The following KLHL4 variants were observed in gnomAD, a reference collection of about 807,000 sequenced individuals.
The protein encoded by KLHL4 is kelch-like protein 4.
A neutral mutation model predicts 45.8 loss-of-function variants in KLHL4; 17 were observed. The ratio of observed to expected loss-of-function variants is 0.37; its 90% CI spans 0.25 to 0.56. KLHL4 has a LOEUF of 0.56. KLHL4 is among the 20% of genes least tolerant of loss of function. The pLI is 0.79. For missense variants in KLHL4, 544 were observed against 544.9 expected (o/e 1.00, Z 0.02); for synonymous variants, 224 against 189.9 (o/e 1.18, Z -1.47).
intron 6 of KLHL4, among the ~76,000 whole-genome samples, chrX:87,626,375 G>A (rs1922927928): frequency 9.0e-6 from 1 of 111,393 alleles, no homozygotes; most frequent in African/African-American, 3.3e-5. Flanking sequence ...TACATATGAG[G>A]GAGGTACAAG....
At chrX:87,633,988 T>C in intron 8 of KLHL4, 77 bp downstream of exon 8, 1 of 814,267 alleles carries the variant, frequency 1.2e-6, no homozygotes. Context: ...ATCCATCCAA[T>C]CAATTAGCAT....
chrX:87,663,022 CTTTT>C (rs56203819), intron 9 of KLHL4, among the ~76,000 whole-genome samples: 2 of 87,629 alleles, frequency 2.3e-5, no homozygotes, highest in Non-Finnish European at 4.5e-5. Flanking sequence ...TTTTCTGATG[CTTTT>C]TTTTTTTTTT....
rs186521862 is a variant in KLHL4 at position 87,522,373 on chromosome X, T to G, written c.422+4058T>G. Among the ~76,000 whole-genome samples the G allele has an allele frequency of 6.5e-3, 732 of 111,880 alleles. 3 individuals are homozygous for G. Among genetic ancestry groups the G allele is most frequent in the Non-Finnish European group, 0.011 (593 of 53,178 alleles). The stretch of plus-strand genomic sequence containing the variant: ...AACATTAAAAATAAGAAGTACCTTT[T>G]GTTGATGCTTACTGTGTGCCAAGCA... On this transcript the variant is annotated intron_variant, in intron 1 of 10. Transcript: ENST00000373119.
chrX:87,595,342 A>G (rs964500436), intron 1 of KLHL4, among the ~76,000 whole-genome samples: 2 of 111,952 alleles, frequency 1.8e-5, no homozygotes, highest in Non-Finnish European at 3.8e-5. Context: ...ATTTCTGCTT[A>G]TACATTCTGA....
At chrX:87,574,754 A>C (rs188810766) in intron 1 of KLHL4, among the ~76,000 whole-genome samples, 1 of 111,801 alleles carries the variant, frequency 8.9e-6, no homozygotes, top group Non-Finnish European at 1.9e-5. Flanking sequence ...ACTGGATTTG[A>C]AGTGAGAAGA....
chrX:87,582,748 A>G (rs1350428620), intron 1 of KLHL4, among the ~76,000 whole-genome samples: 1 of 111,788 alleles, frequency 8.9e-6, no homozygotes, highest in African/African-American at 3.3e-5. Context: ...ACTGACTTCA[A>G]GAATGGAGCC....
chrX:87,668,843 C>T lies in KLHL4; in HGVS notation c.*2309C>T. ...CCAGATATGGCCTCTCAACCTCAGA[C>T]TTCTCAGCCTGCCTAACTGTAAGAA... On this transcript the variant is annotated 3_prime_UTR_variant, in exon 11 of 11. Coordinates refer to ENST00000373119, the MANE Select transcript of KLHL4 (RefSeq NM_019117.5). 3.9e-6 allele frequency: 2 copies of T among 516,094 alleles called. No homozygotes were observed. The highest frequency in any genetic ancestry group is 4.7e-6 in the Non-Finnish European group (2 of 421,922). The allele number at this position is 516,094 out of a possible 1,213,427, so 42.5% of individuals were successfully genotyped here. A position where few individuals can be genotyped will look rare whatever the true frequency, so the allele number is the denominator to read the frequency against.
chrX:87,548,470 A>G (rs186819626), intron 1 of KLHL4, among the ~76,000 whole-genome samples: 70 of 111,917 alleles, frequency 6.3e-4, no homozygotes, highest in Non-Finnish European at 1.1e-3. Context: ...AAAAAAACAC[A>G]GAATATTATA....
intron 1 of KLHL4, among the ~76,000 whole-genome samples, chrX:87,539,281 A>G (rs1931501448): frequency 9.0e-6 from 1 of 110,800 alleles, no homozygotes; most frequent in Non-Finnish European, 1.9e-5. Flanking sequence ...TGTGGTAAAG[A>G]AGACATAAAA....
chrX:87,560,263 A>C (rs1046541031), intron 1 of KLHL4, among the ~76,000 whole-genome samples: 5 of 111,621 alleles, frequency 4.5e-5, no homozygotes, highest in African/African-American at 1.6e-4. Context: ...CAAATATTCT[A>C]CCCTTATCCG....
At position 87,625,719 on chromosome X, in the gene KLHL4, T is replaced by G; in HGVS notation, c.1247T>G (p.Met416Arg). The change falls in exon 6 of 11, where the codon ATG becomes AGG. Residue 416 changes from methionine to arginine, a missense_variant. Transcript: ENST00000373119. ...CTTTTGCCTGAGAGAAGATCCATGATGCAAAGCCCTCGGACAAAGCCTAGA... is the reference window on the plus strand; with the variant it reads ...CTTTTGCCTGAGAGAAGATCCATGAGGCAAAGCCCTCGGACAAAGCCTAGA... ...YHLLPERRSMMQSPRTKPRKS... is the reference protein window; with the variant it reads ...YHLLPERRSMRQSPRTKPRKS... The G allele has an allele frequency of 8.3e-7, 1 of 1,209,988 alleles. No individual in the cohort carries two copies. The highest frequency in any genetic ancestry group is 1.1e-6 in the Non-Finnish European group (1 of 894,333).
In KLHL4 at chrX:87,668,876, C is replaced by A. The variant is rs193152972; in HGVS notation, c.*2342C>A. ...CCTGCCTAACTGTAAGAAATTAATTCTTTTTCTTTATAAATTACCCAGGTT... is the reference window on the plus strand; with the variant it reads ...CCTGCCTAACTGTAAGAAATTAATTATTTTTCTTTATAAATTACCCAGGTT... On this transcript the variant is annotated 3_prime_UTR_variant, in exon 11 of 11. Coordinates refer to ENST00000373119, the MANE Select transcript of KLHL4 (RefSeq NM_019117.5). 34 of 648,225 alleles carry A rather than the reference C, an allele frequency of 5.2e-5. No individual in the cohort carries two copies. The highest frequency in any genetic ancestry group is 1.6e-4 in the South Asian group (2 of 12,446). 53.4% of individuals were successfully genotyped at this position (648,225 alleles called of 1,213,427 possible). A position where few individuals can be genotyped will look rare whatever the true frequency, so the allele number is the denominator to read the frequency against.
intron 1 of KLHL4, among the ~76,000 whole-genome samples, chrX:87,572,822 T>TAA (rs369143265): frequency 0.41 from 39,704 of 97,715 alleles, 6,679 homozygotes; most frequent in East Asian, 0.74. Flanking sequence ...AAGGAAAACT[T>TAA]AAAAAAAAAA....
chrX:87,583,872 C>A (rs1355322896), intron 1 of KLHL4, among the ~76,000 whole-genome samples: 1 of 111,289 alleles, frequency 9.0e-6, no homozygotes, highest in Non-Finnish European at 1.9e-5. Context: ...AAAGTGGGCT[C>A]TTAAGCCAGT....
At chrX:87,558,336 GGAA>G (rs1932024465) in intron 1 of KLHL4, among the ~76,000 whole-genome samples, 1 of 111,187 alleles carries the variant, frequency 9.0e-6, no homozygotes, top group South Asian at 3.7e-4. Context: ...ATGACTGTGT[GGAA>G]GAATAACTGA....
At chrX:87,602,439 C>A (rs978300147) in intron 1 of KLHL4, among the ~76,000 whole-genome samples, 2 of 110,963 alleles carry the variant, frequency 1.8e-5, no homozygotes, top group Admixed American at 1.9e-4. Context: ...ATTGGTATAC[C>A]ATTTTTTTAT....
At chrX:87,528,701 C>A (rs1224378618) in intron 1 of KLHL4, among the ~76,000 whole-genome samples, 1 of 18,884 alleles carries the variant, frequency 5.3e-5, no homozygotes, top group Non-Finnish European at 8.9e-5. Flanking sequence ...GGTAACAAAG[C>A]GAGACAAAAA....
chrX:87,641,252 G>A (rs983694305), intron 9 of KLHL4, among the ~76,000 whole-genome samples: 5 of 112,116 alleles, frequency 4.5e-5, no homozygotes, highest in Non-Finnish European at 1.9e-5. Flanking sequence ...GAAAGGGAGA[G>A]CCTCCTCTCC....
At chrX:87,548,560 C>T (rs1931733451) in intron 1 of KLHL4, among the ~76,000 whole-genome samples, 1 of 110,994 alleles carries the variant, frequency 9.0e-6, no homozygotes, top group African/African-American at 3.3e-5. Flanking sequence ...ATAATAGCTA[C>T]AACTTTTCAA....
Sources: allele counts gnomAD v4.1 joint callset (sites outside exome capture counted in the v4.1 genomes callset), GRCh38; gene constraint gnomAD v4.1.1; transcripts MANE v1.5; gene names NCBI Gene and HGNC (gene_info 2026-07-23, HGNC 2026-07-21).